TAFA5: variants seen among roughly 807,000 people sequenced by gnomAD.
The protein encoded by TAFA5 is chemokine-like protein TAFA-5.
TAFA5 carries 6 observed loss-of-function variants against 15.3 expected under a neutral mutation model. That is an observed-to-expected ratio of 0.39 (90% CI 0.21 to 0.77). The LOEUF (loss-of-function observed/expected upper bound fraction) is 0.77. Among genes scored for constraint, TAFA5 ranks in the 30% least tolerant of loss-of-function variants. The pLI is 0.41. For synonymous variants in TAFA5, 103 were observed against 80.7 expected, an observed-to-expected ratio of 1.28 and a Z score of -1.48; for missense variants, 161 against 193.1, an observed-to-expected ratio of 0.83 and a Z score of 0.98.
At chr22:48,576,701 C>A (rs955822145) in intron 1 of TAFA5, 1 of 1,117,662 alleles carries the variant, frequency 8.9e-7, no homozygotes, top group Non-Finnish European at 1.1e-6. Flanking sequence ...AGCGCCACTG[C>A]GGGCCCGGAG....
intron 1 of TAFA5, among the ~76,000 whole-genome samples, chr22:48,624,102 C>G (rs1925945411): frequency 6.6e-6 from 1 of 152,190 alleles, no homozygotes; most frequent in African/African-American, 2.4e-5. Flanking sequence ...CTCAGACTTT[C>G]CGTGTTGTTG....
intron 1 of TAFA5, among the ~76,000 whole-genome samples, chr22:48,641,163 GC>G (rs745544717): frequency 1.4e-5 from 2 of 147,156 alleles, no homozygotes; most frequent in East Asian, 2.0e-4. Context: ...GGGCACCGTG[GC>G]CCCCCTGCCA....
intron 2 of TAFA5, among the ~76,000 whole-genome samples, chr22:48,682,855 G>A (rs1369967743): frequency 1.3e-5 from 2 of 152,094 alleles, no homozygotes; most frequent in Non-Finnish European, 2.9e-5. Context: ...TATACTTGAT[G>A]ATTTCAAGGT....
At chr22:48,645,761 A>C (rs1480205530) in intron 1 of TAFA5, among the ~76,000 whole-genome samples, 5 of 151,936 alleles carry the variant, frequency 3.3e-5, no homozygotes, top group Non-Finnish European at 1.5e-5. Flanking sequence ...CTGTGTCTGC[A>C]TGGGCACGTG....
chr22:48,543,059 C>A (rs1922519611), intron 1 of TAFA5, among the ~76,000 whole-genome samples: 1 of 151,818 alleles, frequency 6.6e-6, no homozygotes, highest in African/African-American at 2.4e-5. Flanking sequence ...CAGTGTGTGA[C>A]TTGCTGAGGG....
At chr22:48,508,663 A>AT (rs1436434140) in intron 1 of TAFA5, among the ~76,000 whole-genome samples, 1 of 151,994 alleles carries the variant, frequency 6.6e-6, no homozygotes, top group African/African-American at 2.4e-5. Flanking sequence ...CACAGCTGAT[A>AT]TTTTTCTCTT....
rs572205877 is a variant in TAFA5, at chr22:48,693,752, C to G, written c.263-13965C>G. 5.9e-4 allele frequency among the ~76,000 whole-genome samples: 90 copies of G among 152,270 alleles called. 1 individual carries two copies. Among genetic ancestry groups the G allele is most frequent in the Non-Finnish European group, 1.1e-3 (78 of 68,022 alleles). ...GGGCCTTGGTTTCTGAGGGCCTCCC[C>G]CAACCCTCCAGCCTACCCTGGGCTT... On this transcript the variant is annotated intron_variant, in intron 2 of 3. Transcript: ENST00000402357.
chr22:48,655,225 C>T (rs1478242645), intron 2 of TAFA5, among the ~76,000 whole-genome samples: 1 of 152,178 alleles, frequency 6.6e-6, no homozygotes, highest in African/African-American at 2.4e-5. Context: ...TCTGAAGGGG[C>T]TGGCAGGATG....
rs764789291 is a variant in TAFA5, at chr22:48,489,746, C to T, written c.112+42C>T. ...CCCGGCCCCGGCACGGCCCTCTGGG[C>T]CCCGGACCCCCTCCTCCGGCCCCGG... On this transcript the variant is annotated intron_variant, in intron 1 of 3. Coordinates refer to ENST00000402357, the MANE Select transcript of TAFA5 (RefSeq NM_001082967.3). This position sits in a 1 kb window ranked among gnomAD's most constrained non-coding sequence, Gnocchi z 5.5. 5 of 1,237,668 alleles carry T rather than the reference C, an allele frequency of 4.0e-6. No homozygotes were observed. The highest frequency in any genetic ancestry group is 2.0e-5 in the South Asian group (1 of 50,492). 76.7% of individuals were successfully genotyped at this position (1,237,668 alleles called of 1,614,324 possible). A position where few individuals can be genotyped will look rare whatever the true frequency, so the allele number is the denominator to read the frequency against.
Position 48,527,051 on chromosome 22 carries a change from G to A in TAFA5, c.112+37347G>A, listed in dbSNP as rs142855562. Among the ~76,000 whole-genome samples, 5 of 152,360 alleles carry A rather than the reference G, an allele frequency of 3.3e-5. No homozygotes were observed. The East Asian group carries it at 9.6e-4, about 29-fold the overall frequency. ...TTTTTCCATTTATTGAAAGTCAGATGTGTGCATTTGGAGAACTCAGATGTA... is the reference window on the plus strand; with the variant it reads ...TTTTTCCATTTATTGAAAGTCAGATATGTGCATTTGGAGAACTCAGATGTA... On this transcript the variant is annotated intron_variant, in intron 1 of 3. Coordinates refer to ENST00000402357, the MANE Select transcript of TAFA5 (RefSeq NM_001082967.3).
intron 1 of TAFA5, among the ~76,000 whole-genome samples, chr22:48,541,052 G>T (rs77069692): frequency 2.6e-4 from 39 of 152,082 alleles, no homozygotes; most frequent in Non-Finnish European, 5.3e-4. Context: ...TCAGGGACAG[G>T]GGGTGGGGGA....
intron 1 of TAFA5, among the ~76,000 whole-genome samples, chr22:48,589,250 AG>A (rs141497246): frequency 0.017 from 2,615 of 152,318 alleles, 60 homozygotes; most frequent in Admixed American, 0.057. Flanking sequence ...GAAGGTGGCC[AG>A]GGGGTGACTG....
intron 1 of TAFA5, among the ~76,000 whole-genome samples, chr22:48,586,973 C>T (rs895155734): frequency 2.0e-5 from 3 of 152,246 alleles, no homozygotes; most frequent in African/African-American, 4.8e-5. Flanking sequence ...GCCTACCCCA[C>T]ATGGGGACTC....
chr22:48,680,262 G>T (rs1297939339), intron 2 of TAFA5, among the ~76,000 whole-genome samples: 2 of 152,266 alleles, frequency 1.3e-5, no homozygotes, highest in Non-Finnish European at 2.9e-5. Context: ...GCTCTGTGGG[G>T]CTGGCAGGAG....
intron 1 of TAFA5, among the ~76,000 whole-genome samples, chr22:48,628,364 C>T (rs1926096828): frequency 6.6e-6 from 1 of 152,208 alleles, no homozygotes; most frequent in African/African-American, 2.4e-5. Context: ...CTGGTCATCG[C>T]CCCCTTTGCC....
chr22:48,708,886 G>T (rs1334553012), intron 3 of TAFA5, among the ~76,000 whole-genome samples: 4 of 152,224 alleles, frequency 2.6e-5, no homozygotes, highest in Non-Finnish European at 4.4e-5. Context: ...GCCTCCAAGA[G>T]AGGGCTCGGC....
intron 1 of TAFA5, among the ~76,000 whole-genome samples, chr22:48,498,399 A>G (rs1428232843): frequency 6.6e-6 from 1 of 152,048 alleles, no homozygotes; most frequent in African/African-American, 2.4e-5. Context: ...TGGATTCCAA[A>G]GATATCTTTG....
intron 1 of TAFA5, among the ~76,000 whole-genome samples, chr22:48,625,955 C>T (rs145202670): frequency 2.6e-5 from 4 of 152,286 alleles, no homozygotes; most frequent in African/African-American, 9.6e-5. Flanking sequence ...TGCATGCAGC[C>T]GTCTCAGACT....
chr22:48,571,149 A>G (rs1335039349), intron 1 of TAFA5, among the ~76,000 whole-genome samples: 2 of 152,068 alleles, frequency 1.3e-5, no homozygotes, highest in African/African-American at 4.8e-5. Context: ...TAGGTCTTCT[A>G]TCTTTTCCCA....
Sources: allele counts gnomAD v4.1 joint callset (sites outside exome capture counted in the v4.1 genomes callset), GRCh38; gene constraint gnomAD v4.1.1; non-coding constraint Gnocchi (gnomAD v3.1); transcripts MANE v1.5; gene names NCBI Gene and HGNC (gene_info 2026-07-23, HGNC 2026-07-21).